The following MCC variants were observed in gnomAD, a reference collection of about 807,000 sequenced individuals.
The protein encoded by MCC is MCC regulator of Wnt signaling pathway.
Under a neutral mutation model 116.2 loss-of-function variants are expected in MCC, and 90 were observed. The ratio of observed to expected loss-of-function variants is 0.77; its 90% confidence interval spans 0.65 to 0.92. The LOEUF is 0.92. Among genes scored for constraint, MCC ranks in the 40% least tolerant of loss-of-function variants. MCC has a pLI of 0.00. For missense variants in MCC, 1,516 were observed against 1,312.2 expected, an observed-to-expected ratio of 1.16 and a Z score of -2.40; for synonymous variants, 578 against 510.5, an observed-to-expected ratio of 1.13 and a Z score of -1.78.
chr5:113,331,614 G>GTTTGT (rs138484557), intron 3 of MCC, among the ~76,000 whole-genome samples: 12 of 149,464 alleles, frequency 8.0e-5, no homozygotes, highest in Non-Finnish European at 1.5e-4. Flanking sequence ...CTGCTTTTTT[G>GTTTGT]TTTGTTTTGT....
chr5:113,091,777 C>T (rs968874533), intron 8 of MCC, among the ~76,000 whole-genome samples: 14 of 152,064 alleles, frequency 9.2e-5, no homozygotes, highest in African/African-American at 3.4e-4. Context: ...CCCAGCTACT[C>T]AGGAGGCTGA....
At chr5:113,359,978 C>T (rs1045896286) in intron 2 of MCC, among the ~76,000 whole-genome samples, 1 of 152,052 alleles carries the variant, frequency 6.6e-6, no homozygotes, top group African/African-American at 2.4e-5. Flanking sequence ...TAATGGAAGC[C>T]ATGTATTCAG....
chr5:113,231,019 T>C (rs1034693725), intron 3 of MCC, among the ~76,000 whole-genome samples: 3 of 152,168 alleles, frequency 2.0e-5, no homozygotes, highest in African/African-American at 7.2e-5. Flanking sequence ...ACTGATATAC[T>C]GCAGTCAAAA....
chr5:113,032,136 C>T (rs1373187077), intron 17 of MCC, among the ~76,000 whole-genome samples: 1 of 152,188 alleles, frequency 6.6e-6, no homozygotes, highest in African/African-American at 2.4e-5. Context: ...AGGGGCCGGG[C>T]GCTGTGGCTC....
intron 4 of MCC, among the ~76,000 whole-genome samples, chr5:113,147,194 T>C (rs189892924): frequency 6.6e-5 from 10 of 152,306 alleles, no homozygotes; most frequent in Non-Finnish European, 1.5e-5. Flanking sequence ...TGAAATTGCC[T>C]ATATGCAAAA....
chr5:113,229,234 C>G (rs1412351637), intron 3 of MCC, among the ~76,000 whole-genome samples: 1 of 152,110 alleles, frequency 6.6e-6, no homozygotes, highest in Non-Finnish European at 1.5e-5. Context: ...AGAAAACAGC[C>G]AAGAGACAGC....
At chr5:113,306,184 T>A (rs980433132) in intron 3 of MCC, among the ~76,000 whole-genome samples, 1 of 152,256 alleles carries the variant, frequency 6.6e-6, no homozygotes, top group Non-Finnish European at 1.5e-5. Flanking sequence ...TTTCCATTTT[T>A]CAACTATTAT....
intron 9 of MCC, among the ~76,000 whole-genome samples, chr5:113,084,708 G>C (rs1015037506): frequency 6.6e-6 from 1 of 152,116 alleles, no homozygotes; most frequent in Non-Finnish European, 1.5e-5. Context: ...GAGTCAGTGG[G>C]GCTACTTCTC....
intron 5 of MCC, among the ~76,000 whole-genome samples, chr5:113,131,534 C>G (rs1372892909): frequency 6.6e-6 from 1 of 152,176 alleles, no homozygotes; most frequent in African/African-American, 2.4e-5. Flanking sequence ...GGAAAACAAA[C>G]TGCACTGCAT....
chr5:113,465,080 C>A (rs1771858030), intron 1 of MCC, among the ~76,000 whole-genome samples: 1 of 150,908 alleles, frequency 6.6e-6, no homozygotes, highest in South Asian at 2.1e-4. Context: ...AAAAATATGC[C>A]TGAAAATAGC....
At chr5:113,219,682 A>G (rs984214042) in intron 3 of MCC, among the ~76,000 whole-genome samples, 2 of 152,214 alleles carry the variant, frequency 1.3e-5, no homozygotes, top group Non-Finnish European at 1.5e-5. Flanking sequence ...TTTCCATAAT[A>G]AAGTGAGGTT....
At chr5:113,382,164 A>G (rs1392438692) in intron 2 of MCC, among the ~76,000 whole-genome samples, 1 of 152,194 alleles carries the variant, frequency 6.6e-6, no homozygotes, top group Non-Finnish European at 1.5e-5. Flanking sequence ...CTCCACCCCC[A>G]GAAGGGAGAT....
intron 17 of MCC, among the ~76,000 whole-genome samples, chr5:113,034,800 C>A (rs1297958345): frequency 1.3e-5 from 2 of 152,228 alleles, no homozygotes; most frequent in Non-Finnish European, 2.9e-5. Context: ...CCCTTCTGTC[C>A]TTTTCTTACC....
intron 3 of MCC, among the ~76,000 whole-genome samples, chr5:113,171,357 C>T (rs1463741036): frequency 6.6e-6 from 1 of 151,034 alleles, no homozygotes; most frequent in Middle Eastern, 3.2e-3. Flanking sequence ...GCGGAAACCT[C>T]TTATTTTTTA....
At chr5:113,237,961 A>G (rs73778996) in intron 3 of MCC, among the ~76,000 whole-genome samples, 2,422 of 152,312 alleles carry the variant, frequency 0.016, 69 homozygotes, top group African/African-American at 0.056. Flanking sequence ...TGGGGAGGGA[A>G]AAAACTGAAG....
intron 5 of MCC, among the ~76,000 whole-genome samples, chr5:113,126,139 G>C (rs537229618): frequency 3.3e-5 from 5 of 152,162 alleles, no homozygotes; most frequent in Admixed American, 2.0e-4. Context: ...AAGCATCTGC[G>C]AAGTGCTTCC....
At position 113,122,692 on chromosome 5, in the gene MCC, G is replaced by C. The variant is rs1348468990; in HGVS notation, c.1019C>G (p.Ala340Gly). 6.2e-7 allele frequency: 1 copy of C among 1,613,996 alleles called. No homozygotes were observed. The highest frequency in any genetic ancestry group is 8.5e-7 in the Non-Finnish European group (1 of 1,180,000). The change falls in exon 6 of 19, where the codon GCT becomes GGT. Residue 340 changes from alanine to glycine, a missense_variant. Coordinates refer to ENST00000408903, the MANE Select transcript of MCC (RefSeq NM_001085377.2). ...AGGGCAGGCAGACTCACCCATGTCA[G>C]CAGTAACCATGGTAGACTGGTTTTC... is the stretch of plus-strand genomic sequence containing the variant. ...IPENQSTMVTADMDNCSDLNS... is the reference protein window; with the variant it reads ...IPENQSTMVTGDMDNCSDLNS...
chr5:113,114,847 T>C (rs1757305588), intron 6 of MCC, among the ~76,000 whole-genome samples: 2 of 152,192 alleles, frequency 1.3e-5, no homozygotes, highest in South Asian at 2.1e-4. Context: ...TAAAATCCTC[T>C]GTATTCACCA....
Position 113,071,088 on chromosome 5 carries a change from G to GTCTT in MCC, c.1925+5_1925+6insAAGA. On this transcript the variant is annotated splice_donor_region_variant and intron_variant, in intron 12 of 18. Coordinates refer to ENST00000408903, the MANE Select transcript of MCC (RefSeq NM_001085377.2). ...AGTAGCTCCAAACATCCCAGTGTGT[G>GTCTT]CCTACCTGTACTGCAAGGCCAGCCT... is the stretch of plus-strand genomic sequence containing the variant. The GTCTT allele has an allele frequency of 6.3e-7, 1 of 1,599,790 alleles. No homozygotes were observed. The highest frequency in any genetic ancestry group is 1.3e-5 in the African/African-American group (1 of 74,398).
Sources: gnomAD v4.1 joint callset for allele counts (sites outside exome capture counted in the v4.1 genomes callset) on GRCh38, gnomAD v4.1.1 for gene constraint, MANE v1.5 for transcripts, NCBI Gene and HGNC (gene_info 2026-07-23, HGNC 2026-07-21) for gene names.